Variants in PCLO observed in about 807,000 individuals in gnomAD.
PCLO encodes the protein piccolo presynaptic cytomatrix protein, also known as protein piccolo.
Under a neutral mutation model 427.5 loss-of-function variants are expected in PCLO, and 82 were observed. The observed-to-expected ratio is 0.19, with a 90% confidence interval of 0.16 to 0.23. The LOEUF (loss-of-function observed/expected upper bound fraction) is 0.23, where lower values mean the gene tolerates loss of function less well. Among genes scored for constraint, PCLO ranks in the 10% least tolerant of loss-of-function variants. The pLI, the probability that PCLO is intolerant of heterozygous loss-of-function variation, is 1.00. For synonymous variants in PCLO, 2,357 were observed against 2,155.4 expected (o/e 1.09, Z -2.59); for missense variants, 6,239 against 6,115.9 (o/e 1.02, Z -0.67).
chr7:82,838,253 G>T lies in PCLO; in HGVS notation c.14187C>A (p.Asp4729Glu), dbSNP rs1300081996. 6.3e-7 allele frequency: 1 copy of T among 1,599,002 alleles called. No individual in the cohort carries two copies. The highest frequency in any genetic ancestry group is 1.7e-5 in the Admixed American group (1 of 59,030). Residue 4729 changes from aspartate to glutamate, a missense_variant, in exon 15 of 25, where the codon GAC (aspartate) becomes GAA (glutamate). Transcript: ENST00000333891. The stretch of plus-strand genomic sequence containing the variant: ...GAAGAAGGTACACTTTCACAAAAGG[G>T]TCAGAATAACCATTGTTGTCTCGAG... The part of the protein sequence containing the change: ...LVPRDNNGYS[D>E]PFVKVYLLPG...
intron 3 of PCLO, among the ~76,000 whole-genome samples, chr7:83,065,096 T>C (rs760068168): frequency 1.3e-5 from 2 of 151,858 alleles, no homozygotes; most frequent in East Asian, 1.9e-4. Context: ...AAAGGAATAA[T>C]TTTTAGTCTT....
At chr7:83,036,539 C>A (rs1788799509) in intron 3 of PCLO, among the ~76,000 whole-genome samples, 1 of 152,008 alleles carries the variant, frequency 6.6e-6, no homozygotes, top group African/African-American at 2.4e-5. Flanking sequence ...ATCGTAGAAG[C>A]AGTTGTCCTC....
At chr7:82,826,261 G>C (rs1435499534) in intron 18 of PCLO, among the ~76,000 whole-genome samples, 1 of 151,964 alleles carries the variant, frequency 6.6e-6, no homozygotes, top group Non-Finnish European at 1.5e-5. Flanking sequence ...ACCTGTAAAT[G>C]CATTTTTAAA....
intron 3 of PCLO, among the ~76,000 whole-genome samples, chr7:83,062,072 A>G (rs1414699572): frequency 6.6e-6 from 1 of 152,226 alleles, no homozygotes; most frequent in African/African-American, 2.4e-5. Flanking sequence ...AAAAATGTGC[A>G]GCAGGCTTTA....
intron 3 of PCLO, among the ~76,000 whole-genome samples, chr7:83,106,318 T>C (rs1342085800): frequency 6.6e-6 from 1 of 152,176 alleles, no homozygotes; most frequent in African/African-American, 2.4e-5. Context: ...AGTTACCCTA[T>C]GGAGCATTAT....
At chr7:82,810,865 G>T (rs1791554406) in intron 20 of PCLO, among the ~76,000 whole-genome samples, 1 of 151,594 alleles carries the variant, frequency 6.6e-6, no homozygotes, top group Non-Finnish European at 1.5e-5. Context: ...ACTTTGCTCT[G>T]AGAGCACGGA....
At chr7:83,105,123 G>C (rs1465510671) in intron 3 of PCLO, among the ~76,000 whole-genome samples, 1 of 152,120 alleles carries the variant, frequency 6.6e-6, no homozygotes, top group East Asian at 1.9e-4. Flanking sequence ...ATGTTCTACA[G>C]TATTAGCTAT....
Position 82,954,807 on chromosome 7 carries a change from A to G in PCLO, c.6146T>C (p.Val2049Ala), listed in dbSNP as rs1019034475. The change falls in exon 5 of 25, where the codon GTA (valine) becomes GCA (alanine). Residue 2049 changes from valine (V) to alanine (A), a missense_variant. Physicochemically the swap from Val to Ala is moderately conservative, Grantham distance 64. Transcript: ENST00000333891. Reference protein sequence around the residue: ...SHEIVDLGTMVTSTEEERKLL... With the variant: ...SHEIVDLGTMATSTEEERKLL... ...TTTCCTTTCTTCTTCTGTAGAAGTT[A>G]CCATAGTACCCAGGTCCACTATCTC... 9 of 1,613,708 alleles carry G rather than the reference A, an allele frequency of 5.6e-6. No homozygotes were observed. Among genetic ancestry groups the G allele is most frequent in the Non-Finnish European group, 7.6e-6 (9 of 1,179,806 alleles).
intron 22 of PCLO, among the ~76,000 whole-genome samples, chr7:82,791,101 T>C (rs1249974927): frequency 6.6e-6 from 1 of 152,194 alleles, no homozygotes; most frequent in Non-Finnish European, 1.5e-5. Flanking sequence ...CGGTAATACC[T>C]TATTATAAAG....
Position 82,954,421 on chromosome 7 carries a change from G to C in PCLO, c.6532C>G (p.Pro2178Ala), listed in dbSNP as rs201432429. The C allele has an allele frequency of 1.1e-4, 184 of 1,613,814 alleles. No individual in the cohort carries two copies. The highest frequency in any genetic ancestry group is 1.5e-4 in the Non-Finnish European group (178 of 1,179,842). The change falls in exon 5 of 25, where the codon CCC (proline) becomes GCC (alanine). Residue 2178 changes from proline (P) to alanine (A), a missense_variant. By Grantham distance (27) the Pro-to-Ala change is conservative. Around this residue, in one of 5 missense-constraint regions of PCLO, gnomAD observed 4,677 missense variants for 4,468.4 expected, o/e 1.05. Coordinates refer to ENST00000333891, the MANE Select transcript of PCLO (RefSeq NM_033026.6). ...GATGTGAGAGAAGGTGTGTCAGAGG[G>C]TGGGACAGATGTAGCACTTTCTGAA... ...EPSESATSVP[P>A]SDTPSLTSSV...
intron 4 of PCLO, among the ~76,000 whole-genome samples, chr7:82,961,580 C>T (rs1038839703): frequency 6.6e-6 from 1 of 152,268 alleles, no homozygotes. Flanking sequence ...TGAGAAGACA[C>T]TAGGATTTTA....
intron 3 of PCLO, 108 bp downstream of exon 3, chr7:83,134,142 C>T (rs566307052): frequency 9.3e-5 from 31 of 332,240 alleles, no homozygotes; most frequent in African/African-American, 5.8e-4. Flanking sequence ...TTTTCTTCAC[C>T]ACAAATGTAT....
chr7:82,940,755 C>CTTT (rs71531190), intron 6 of PCLO, among the ~76,000 whole-genome samples: 114 of 109,124 alleles, frequency 1.0e-3, no homozygotes, highest in Non-Finnish European at 1.3e-3. Flanking sequence ...TTTTTTCTTT[C>CTTT]TTTTTTTTTT....
At position 83,076,123 on chromosome 7, in the gene PCLO, T is replaced by TA. The variant is rs3039471; in HGVS notation, c.3300+58126dup. On this transcript the variant is annotated intron_variant, in intron 3 of 24. Transcript: ENST00000333891. ...TTCCTACACACCAGTTTCTTGGATTTAAAAAAAAAAAAAAACTCATACCTT... is the reference window on the plus strand; with the variant it reads ...TTCCTACACACCAGTTTCTTGGATTTAAAAAAAAAAAAAAAACTCATACCTT... Among the ~76,000 whole-genome samples, 782 of 148,416 alleles carry TA rather than the reference T, an allele frequency of 5.3e-3. 2 individuals carry two copies. Among genetic ancestry groups the TA allele is most frequent in the African/African-American group, 0.017 (705 of 40,834 alleles).
intron 3 of PCLO, among the ~76,000 whole-genome samples, chr7:83,078,533 C>T (rs2371534): frequency 4.5e-4 from 38 of 83,886 alleles, no homozygotes; most frequent in Admixed American, 2.0e-3. Flanking sequence ...ATTATTATTA[C>T]TATTATTATT....
chr7:83,049,916 G>A (rs1789191667), intron 3 of PCLO, among the ~76,000 whole-genome samples: 1 of 151,888 alleles, frequency 6.6e-6, no homozygotes, highest in Non-Finnish European at 1.5e-5. Flanking sequence ...GGTTTCATCA[G>A]CTTATTATGA....
chr7:83,053,778 T>A (rs1221896132), intron 3 of PCLO, among the ~76,000 whole-genome samples: 1 of 151,918 alleles, frequency 6.6e-6, no homozygotes, highest in Non-Finnish European at 1.5e-5. Flanking sequence ...TGCAATAATA[T>A]TGAAATATTT....
chr7:82,771,877 A>G (rs1258278704), intron 22 of PCLO, among the ~76,000 whole-genome samples: 1 of 152,156 alleles, frequency 6.6e-6, no homozygotes, highest in Non-Finnish European at 1.5e-5. Flanking sequence ...AAGATGAGTT[A>G]CAATCAAGAT....
At chr7:82,868,083 C>T in intron 10 of PCLO, 1 of 455,486 alleles carries the variant, frequency 2.2e-6, no homozygotes, top group South Asian at 1.6e-5. Context: ...TTTGAGAAAT[C>T]TCATGCTAAT....
Sources: gnomAD v4.1 joint callset for allele counts (sites outside exome capture counted in the v4.1 genomes callset) on GRCh38, gnomAD v4.1.1 for gene constraint, gnomAD v4.1.1 regional missense constraint, MANE v1.5 for transcripts, NCBI Gene and HGNC (gene_info 2026-07-23, HGNC 2026-07-21) for gene names.